TMPRSS11E: variants seen among roughly 807,000 people sequenced by gnomAD.
The protein encoded by TMPRSS11E is transmembrane protease serine 11E.
TMPRSS11E carries 38 observed loss-of-function variants against 48.1 expected under a neutral mutation model. That is an observed-to-expected ratio of 0.79 (90% confidence interval 0.61 to 1.04). The LOEUF is 1.04. TMPRSS11E is among the 50% of genes least tolerant of loss of function. The pLI is 0.00. For missense variants in TMPRSS11E, 530 were observed against 510.8 expected (o/e 1.04, Z -0.36); for synonymous variants, 158 against 171.9 (o/e 0.92, Z 0.63).
chr4:68,467,973 T>C (rs1728969368), intron 3 of TMPRSS11E, among the ~76,000 whole-genome samples: 1 of 152,148 alleles, frequency 6.6e-6, no homozygotes. Context: ...CTTTAATGCC[T>C]TCAAAATTAA....
chr4:68,469,895 C>T (rs996696291), intron 4 of TMPRSS11E, among the ~76,000 whole-genome samples: 5 of 151,926 alleles, frequency 3.3e-5, no homozygotes, highest in African/African-American at 1.2e-4. Context: ...TTCCTGGTCC[C>T]CTCATACTTT....
intron 1 of TMPRSS11E, among the ~76,000 whole-genome samples, chr4:68,457,927 T>C (rs141336932): frequency 0.026 from 4,023 of 151,884 alleles, 180 homozygotes; most frequent in African/African-American, 0.092. Flanking sequence ...CACTGGGGCC[T>C]ATCAGTGGGT....
intron 2 of TMPRSS11E, among the ~76,000 whole-genome samples, chr4:68,464,310 A>C (rs769337277): frequency 3.3e-5 from 5 of 152,190 alleles, no homozygotes; most frequent in Non-Finnish European, 5.9e-5. Flanking sequence ...GATTTGGAAA[A>C]ATATCATTTT....
At chr4:68,470,163 T>C (rs922567662) in intron 4 of TMPRSS11E, among the ~76,000 whole-genome samples, 3 of 151,810 alleles carry the variant, frequency 2.0e-5, no homozygotes, top group African/African-American at 7.2e-5. Context: ...AATTTGCTCA[T>C]GATCAACTCA....
At chr4:68,483,928 A>G (rs1205233540) in intron 9 of TMPRSS11E, among the ~76,000 whole-genome samples, 1 of 152,206 alleles carries the variant, frequency 6.6e-6, no homozygotes, top group East Asian at 1.9e-4. Context: ...AGCTTTGTCA[A>G]AGATGAGATG....
intron 9 of TMPRSS11E, among the ~76,000 whole-genome samples, chr4:68,482,420 C>A (rs554497077): frequency 6.6e-6 from 1 of 152,036 alleles, no homozygotes; most frequent in African/African-American, 2.4e-5. Flanking sequence ...GCCTTCCTAA[C>A]AGTCCCCAAA....
intron 9 of TMPRSS11E, among the ~76,000 whole-genome samples, chr4:68,480,312 AT>A (rs202056292): frequency 1.3e-5 from 2 of 151,192 alleles, no homozygotes; most frequent in African/African-American, 2.4e-5. Flanking sequence ...GCTTTTGTTT[AT>A]TTTTTTTGCA....
intron 2 of TMPRSS11E, among the ~76,000 whole-genome samples, chr4:68,465,316 T>C (rs1249255779): frequency 6.6e-6 from 1 of 152,204 alleles, no homozygotes; most frequent in Non-Finnish European, 1.5e-5. Context: ...CAGAGTCTGA[T>C]GGCTGCTTCC....
chr4:68,465,070 C>T (rs1430967137), intron 2 of TMPRSS11E, among the ~76,000 whole-genome samples: 1 of 152,116 alleles, frequency 6.6e-6, no homozygotes, highest in Non-Finnish European at 1.5e-5. Flanking sequence ...TGAGTTATTT[C>T]CCAGTATTTC....
chr4:68,473,728 G>A (rs1442086299), intron 5 of TMPRSS11E, among the ~76,000 whole-genome samples: 1 of 152,084 alleles, frequency 6.6e-6, no homozygotes, highest in Non-Finnish European at 1.5e-5. Context: ...CCTTGTCAGT[G>A]CTATCAATAC....
At chr4:68,451,649 T>A (rs1006501683) in intron 1 of TMPRSS11E, among the ~76,000 whole-genome samples, 45 of 151,972 alleles carry the variant, frequency 3.0e-4, no homozygotes, top group African/African-American at 1.1e-3. Context: ...TGTGAGTCAG[T>A]GCAGGACAAA....
intron 6 of TMPRSS11E, among the ~76,000 whole-genome samples, chr4:68,475,504 T>C (rs1019305989): frequency 6.6e-6 from 1 of 152,202 alleles, no homozygotes; most frequent in Non-Finnish European, 1.5e-5. Context: ...ATTACCTAAA[T>C]AGCATATATT....
At chr4:68,462,276 C>A (rs1355090892) in intron 2 of TMPRSS11E, among the ~76,000 whole-genome samples, 1 of 151,998 alleles carries the variant, frequency 6.6e-6, no homozygotes, top group Non-Finnish European at 1.5e-5. Flanking sequence ...GGGCAAGCAT[C>A]TTGATTTAAA....
chr4:68,467,653 G>C (rs1485439640), intron 3 of TMPRSS11E, among the ~76,000 whole-genome samples: 1 of 152,162 alleles, frequency 6.6e-6, no homozygotes, highest in Non-Finnish European at 1.5e-5. Flanking sequence ...CCAATAACCT[G>C]AATAAGAATG....
chr4:68,456,657 C>T (rs1041319758), intron 1 of TMPRSS11E, among the ~76,000 whole-genome samples: 2 of 151,962 alleles, frequency 1.3e-5, no homozygotes, highest in Admixed American at 6.6e-5. Flanking sequence ...TAAGCAGGCA[C>T]AATCCTATGA....
intron 4 of TMPRSS11E, 61 bp downstream of exon 4, chr4:68,469,007 A>C: frequency 8.1e-7 from 1 of 1,229,244 alleles, no homozygotes; most frequent in Non-Finnish European, 1.2e-6. Context: ...TCTGCTCAGC[A>C]ATAAATATGT....
At chr4:68,481,711 A>G (rs1252310276) in intron 9 of TMPRSS11E, among the ~76,000 whole-genome samples, 1 of 152,148 alleles carries the variant, frequency 6.6e-6, no homozygotes, top group Non-Finnish European at 1.5e-5. Flanking sequence ...GCACTTTGGG[A>G]GGCCAAGGGA....
chr4:68,462,808 A>G (rs543198247), intron 2 of TMPRSS11E, among the ~76,000 whole-genome samples: 1 of 152,298 alleles, frequency 6.6e-6, no homozygotes, highest in South Asian at 2.1e-4. Context: ...AGCTAATTAT[A>G]AAGATGTTCA....
At chr4:68,453,917 A>G (rs1039312850) in intron 1 of TMPRSS11E, among the ~76,000 whole-genome samples, 1 of 151,896 alleles carries the variant, frequency 6.6e-6, no homozygotes. Context: ...GTGGCAATCC[A>G]TGCTTCAACT....
Sources: allele counts gnomAD v4.1 joint callset (sites outside exome capture counted in the v4.1 genomes callset), GRCh38; gene constraint gnomAD v4.1.1; transcripts MANE v1.5; gene names NCBI Gene and HGNC (gene_info 2026-07-23, HGNC 2026-07-21).